Variants in SAE1 observed in about 807,000 individuals in gnomAD.
The protein encoded by SAE1 is SUMO-activating enzyme subunit 1.
A neutral mutation model predicts 40.6 loss-of-function variants in SAE1; 11 were observed. That is an observed-to-expected ratio of 0.27 (90% CI 0.17 to 0.45). The LOEUF (loss-of-function observed/expected upper bound fraction) is 0.45, where lower values mean the gene tolerates loss of function less well. Ranked by LOEUF, SAE1 falls within the 20% of genes least tolerant of loss-of-function variation. SAE1 has a pLI of 1.00. For missense variants in SAE1, 373 were observed against 427.3 expected (o/e 0.87, Z 1.12); for synonymous variants, 155 against 154.3 (o/e 1.00, Z -0.03).
chr19:47,189,363 C>T (rs2058564725), intron 6 of SAE1, among the ~76,000 whole-genome samples: 1 of 152,060 alleles, frequency 6.6e-6, no homozygotes, highest in African/African-American at 2.4e-5. Flanking sequence ...TGAGACCAGC[C>T]TGACCAACAT....
intron 6 of SAE1, among the ~76,000 whole-genome samples, chr19:47,179,458 G>C (rs2058492294): frequency 6.6e-6 from 1 of 151,804 alleles, no homozygotes; most frequent in Non-Finnish European, 1.5e-5. Context: ...AGTGAGCCGA[G>C]GTTGCTCCAT....
intron 5 of SAE1, among the ~76,000 whole-genome samples, chr19:47,168,594 A>G (rs925334196): frequency 6.6e-6 from 1 of 152,026 alleles, no homozygotes; most frequent in Admixed American, 6.6e-5. Flanking sequence ...ACACTCAGCC[A>G]TAAATGTGTT....
At chr19:47,160,199 G>A (rs1219942085) in intron 5 of SAE1, among the ~76,000 whole-genome samples, 2 of 147,930 alleles carry the variant, frequency 1.4e-5, no homozygotes, top group African/African-American at 2.5e-5. Flanking sequence ...AGGCCAGAGA[G>A]GTTCAAAATC....
chr19:47,173,007 G>A (rs184847764), intron 6 of SAE1, among the ~76,000 whole-genome samples: 1 of 152,214 alleles, frequency 6.6e-6, no homozygotes, highest in African/African-American at 2.4e-5. Context: ...AGCCAGGTCT[G>A]TTTTGATTCC....
At chr19:47,178,329 A>G (rs1417918535) in intron 6 of SAE1, among the ~76,000 whole-genome samples, 1 of 152,110 alleles carries the variant, frequency 6.6e-6, no homozygotes, top group Non-Finnish European at 1.5e-5. Context: ...TGTAGCTCAC[A>G]TTACTGAATC....
intron 6 of SAE1, among the ~76,000 whole-genome samples, chr19:47,177,317 A>C (rs1429898663): frequency 6.6e-6 from 1 of 152,232 alleles, no homozygotes; most frequent in African/African-American, 2.4e-5. Context: ...CAGCTATAAC[A>C]GAGGGCTATA....
chr19:47,135,954 C>A (rs1340935370), intron 1 of SAE1, among the ~76,000 whole-genome samples: 1 of 151,996 alleles, frequency 6.6e-6, no homozygotes, highest in African/African-American at 2.4e-5. Context: ...CAGGTGCCCG[C>A]CACCACGCCC....
At chr19:47,161,567 C>T (rs1827640264) in intron 5 of SAE1, among the ~76,000 whole-genome samples, 1 of 152,128 alleles carries the variant, frequency 6.6e-6, no homozygotes. Context: ...TGCTTGACTT[C>T]CTGTTTTATC....
chr19:47,135,546 G>T lies in SAE1; in HGVS notation c.98+4518G>T, dbSNP rs543142060. ...TTTGTAGACAGGGTCTCTCTGTCGC[G>T]CAGACTAGAGTGCAGTGGTGTGATC... On this transcript the variant is annotated intron_variant, in intron 1 of 8. Transcript: ENST00000270225. 10 of 152,082 alleles carry T rather than the reference G, an allele frequency of 6.6e-5. No individual in the cohort carries two copies. The East Asian group carries it at 1.9e-3, about 29-fold the overall frequency. 9.4% of individuals were successfully genotyped at this position (152,082 alleles called of 1,614,324 possible).
At chr19:47,149,163 C>CTTTTTTT (rs958403274) in intron 2 of SAE1, among the ~76,000 whole-genome samples, 4 of 86,482 alleles carry the variant, frequency 4.6e-5, no homozygotes, top group Admixed American at 1.5e-4. Context: ...CACTGGTCTA[C>CTTTTTTT]TTTTTTTTTT....
rs369223748 is a variant in SAE1, at chr19:47,143,594, G to A, written c.199G>A (p.Asp67Asn). The A allele has an allele frequency of 5.9e-5, 95 of 1,612,964 alleles. No individual in the cohort carries two copies. The highest frequency in any genetic ancestry group is 7.8e-5 in the Non-Finnish European group (92 of 1,179,136). Reference sequence around the variant, plus strand: ...AGGAGTGAAAGGACTGACCATGCTGGATCACGAACAGGTGCGCTGTTGTGA... The same window carrying A: ...AGGAGTGAAAGGACTGACCATGCTGAATCACGAACAGGTGCGCTGTTGTGA... ...LAGVKGLTML[D>N]HEQVTPEDPG... Residue 67 changes from aspartate to asparagine, a missense_variant, in exon 2 of 9, where the codon GAT (aspartate) becomes AAT (asparagine). This residue lies in a region of SAE1 where 351 missense variants were observed against 390.6 expected (regional missense o/e 0.90). Coordinates refer to ENST00000270225, the MANE Select transcript of SAE1 (RefSeq NM_005500.3).
intron 6 of SAE1, among the ~76,000 whole-genome samples, chr19:47,196,212 T>A (rs1421609149): frequency 6.6e-6 from 1 of 151,280 alleles, no homozygotes; most frequent in Admixed American, 6.6e-5. Context: ...TTTTTTTATA[T>A]TTTTAGTAGA....
chr19:47,199,354 C>CAG (rs1186872986), intron 7 of SAE1, among the ~76,000 whole-genome samples: 2 of 141,812 alleles, frequency 1.4e-5, no homozygotes, highest in African/African-American at 5.2e-5. Flanking sequence ...CACTGCACTC[C>CAG]AGCCTGGGCG....
Position 47,155,094 on chromosome 19 carries a change from C to T in SAE1, c.528-20C>T, listed in dbSNP as rs1002918789. ...GATTCCTAGGGTAAAATTACATTCT[C>T]TCCCCTTGTCACCCTCTAGGGAGAA... On this transcript the variant is annotated intron_variant, in intron 4 of 8. Transcript: ENST00000270225. 3 of 1,434,168 alleles carry T rather than the reference C, an allele frequency of 2.1e-6. No homozygotes were observed. Among genetic ancestry groups the T allele is most frequent in the South Asian group, 1.1e-5 (1 of 87,286 alleles). 88.8% of individuals were successfully genotyped at this position (1,434,168 alleles called of 1,614,324 possible). A position where few individuals can be genotyped will look rare whatever the true frequency, so the allele number is the denominator to read the frequency against.
chr19:47,140,963 C>G (rs917297419), intron 1 of SAE1, among the ~76,000 whole-genome samples: 1 of 152,042 alleles, frequency 6.6e-6, no homozygotes, highest in African/African-American at 2.4e-5. Flanking sequence ...ATTCTCCTGC[C>G]TCAGCCTCCC....
chr19:47,131,703 T>C (rs1714061744), intron 1 of SAE1, among the ~76,000 whole-genome samples: 1 of 129,432 alleles, frequency 7.7e-6, no homozygotes, highest in South Asian at 2.7e-4. Flanking sequence ...AATTCTTTTT[T>C]TTTTTTTTTT....
rs1036535423 is a variant in SAE1 at position 47,192,069 on chromosome 19, AAAAAG to A, written c.734-5162_734-5158del. On this transcript the variant is annotated intron_variant, in intron 6 of 8. Transcript: ENST00000270225. ...ACTCTGTCTCAAAAAAAAAAAAAGA[AAAAAG>A]AGAGAGAAAGAAAATATAGCTTTGG... Among the ~76,000 whole-genome samples the A allele has an allele frequency of 3.2e-3, 489 of 151,960 alleles. 3 individuals are homozygous for A. The highest frequency in any genetic ancestry group is 0.011 in the African/African-American group (464 of 41,460).
chr19:47,139,470 C>G (rs530239368), intron 1 of SAE1, among the ~76,000 whole-genome samples: 3 of 152,156 alleles, frequency 2.0e-5, no homozygotes, highest in African/African-American at 7.2e-5. Flanking sequence ...ACAGGTGTGA[C>G]CCACTGCGTC....
chr19:47,145,115 G>A (rs1039438006), intron 2 of SAE1, among the ~76,000 whole-genome samples: 3 of 152,112 alleles, frequency 2.0e-5, no homozygotes, highest in East Asian at 1.9e-4. Context: ...CAATTCTCCT[G>A]CCTCAATCTC....
Sources: gnomAD v4.1 joint callset for allele counts (sites outside exome capture counted in the v4.1 genomes callset) on GRCh38, gnomAD v4.1.1 for gene constraint, gnomAD v4.1.1 regional missense constraint, MANE v1.5 for transcripts, NCBI Gene and HGNC (gene_info 2026-07-23, HGNC 2026-07-21) for gene names.